The following RALYL variants were observed in gnomAD, a reference collection of about 807,000 sequenced individuals.
RALYL encodes the protein RNA-binding Raly-like protein.
A neutral mutation model predicts 35.1 loss-of-function variants in RALYL; 29 were observed. The ratio of observed to expected loss-of-function variants is 0.83; its 90% CI spans 0.61 to 1.13. RALYL has a LOEUF of 1.13. Ranked by LOEUF, RALYL falls within the 50% of genes most tolerant of loss-of-function variation. RALYL has a pLI of 0.00. For missense variants in RALYL, 359 were observed against 360.4 expected, an observed-to-expected ratio of 1.00 and a Z score of 0.03; for synonymous variants, 120 against 127.6, an observed-to-expected ratio of 0.94 and a Z score of 0.40.
intron 1 of RALYL, among the ~76,000 whole-genome samples, chr8:84,214,932 G>A (rs62529180): frequency 0.27 from 40,847 of 150,828 alleles, 5,780 homozygotes; most frequent in African/African-American, 0.35. Flanking sequence ...TTGAGACGGA[G>A]TCTCACTCTG....
At chr8:84,907,327 C>T (rs1846693577) in intron 8 of RALYL, among the ~76,000 whole-genome samples, 2 of 151,586 alleles carry the variant, frequency 1.3e-5, no homozygotes, top group African/African-American at 4.9e-5. Flanking sequence ...CACACACACA[C>T]ACACACACAC....
intron 1 of RALYL, among the ~76,000 whole-genome samples, chr8:84,362,171 CAG>C (rs942421669): frequency 3.3e-5 from 5 of 152,120 alleles, no homozygotes; most frequent in African/African-American, 1.2e-4. Flanking sequence ...CACAGAATAC[CAG>C]AGAGTACTAG....
At chr8:84,353,422 C>A (rs1399721217) in intron 1 of RALYL, among the ~76,000 whole-genome samples, 2 of 150,386 alleles carry the variant, frequency 1.3e-5, no homozygotes, top group Non-Finnish European at 3.0e-5. Flanking sequence ...CAGCAATATT[C>A]CCAGTGCATC....
intron 1 of RALYL, among the ~76,000 whole-genome samples, chr8:84,279,225 A>G (rs1217989263): frequency 2.0e-5 from 3 of 152,312 alleles, no homozygotes; most frequent in Admixed American, 1.3e-4. Context: ...CCATGACTCA[A>G]TTAACATCAC....
chr8:84,265,936 G>A (rs1833211226), intron 1 of RALYL, among the ~76,000 whole-genome samples: 2 of 151,838 alleles, frequency 1.3e-5, no homozygotes, highest in Admixed American at 1.3e-4. Flanking sequence ...CCTAATCCTG[G>A]GCTCATCACA....
intron 1 of RALYL, among the ~76,000 whole-genome samples, chr8:84,515,697 A>G (rs1462050264): frequency 6.6e-6 from 1 of 152,186 alleles, no homozygotes; most frequent in Non-Finnish European, 1.5e-5. Context: ...TTGCATGTAT[A>G]GTACAAAAAA....
At chr8:84,715,147 C>T (rs1295555438) in intron 2 of RALYL, among the ~76,000 whole-genome samples, 1 of 151,360 alleles carries the variant, frequency 6.6e-6, no homozygotes, top group Non-Finnish European at 1.5e-5. Context: ...TGTTTTCATC[C>T]AAAGGGAAAA....
intron 2 of RALYL, among the ~76,000 whole-genome samples, chr8:84,772,320 ATGGCTATGTT>A (rs533383406): frequency 7.9e-5 from 12 of 152,204 alleles, no homozygotes; most frequent in Admixed American, 7.2e-4. Context: ...CAAGTGTATC[ATGGCTATGTT>A]TGGCCTTTGT....
At chr8:84,256,444 C>T (rs1197172324) in intron 1 of RALYL, among the ~76,000 whole-genome samples, 1 of 152,068 alleles carries the variant, frequency 6.6e-6, no homozygotes, top group African/African-American at 2.4e-5. Context: ...GAGTGATTTA[C>T]ATTAAAAGAC....
intron 1 of RALYL, among the ~76,000 whole-genome samples, chr8:84,385,711 C>T (rs1859039697): frequency 6.6e-6 from 1 of 151,836 alleles, no homozygotes; most frequent in African/African-American, 2.4e-5. Flanking sequence ...ACCTTTGCCA[C>T]TGTATGGCTT....
intron 2 of RALYL, among the ~76,000 whole-genome samples, chr8:84,708,609 T>C (rs1841618178): frequency 6.6e-6 from 1 of 152,108 alleles, no homozygotes; most frequent in African/African-American, 2.4e-5. Flanking sequence ...AAAATTCGGA[T>C]TGATTTGGGA....
intron 2 of RALYL, among the ~76,000 whole-genome samples, chr8:84,641,828 C>T (rs1457353983): frequency 3.4e-5 from 5 of 146,558 alleles, no homozygotes; most frequent in Admixed American, 6.8e-5. Flanking sequence ...ACAAAGATTA[C>T]TCTGTTTTTG....
At chr8:84,708,452 C>A (rs1293674951) in intron 2 of RALYL, among the ~76,000 whole-genome samples, 1 of 152,008 alleles carries the variant, frequency 6.6e-6, no homozygotes. Context: ...CTTACTTGTG[C>A]AAAACTGCAT....
At chr8:84,265,133 T>C (rs1403905351) in intron 1 of RALYL, among the ~76,000 whole-genome samples, 1 of 152,204 alleles carries the variant, frequency 6.6e-6, no homozygotes, top group African/African-American at 2.4e-5. Context: ...TCATAGTCCT[T>C]GTTGGTGTAC....
At chr8:84,260,378 GCT>G (rs1832034631) in intron 1 of RALYL, among the ~76,000 whole-genome samples, 1 of 152,102 alleles carries the variant, frequency 6.6e-6, no homozygotes, top group Non-Finnish European at 1.5e-5. Context: ...AGGTGTGATC[GCT>G]CATGCAGCTA....
At chr8:84,862,235 C>T (rs2135057259) in intron 5 of RALYL, 61 bp from the exon 6 acceptor site, 1 of 1,336,728 alleles carries the variant, frequency 7.5e-7, no homozygotes, top group African/African-American at 1.5e-5. Flanking sequence ...CAACATTTCA[C>T]ATATTTGATA....
At chr8:84,777,766 C>T (rs1321661453) in intron 3 of RALYL, among the ~76,000 whole-genome samples, 2 of 152,082 alleles carry the variant, frequency 1.3e-5, no homozygotes, top group Non-Finnish European at 1.5e-5. Context: ...CTCAGCCTCC[C>T]GAGTAGCTGG....
At chr8:84,804,656 A>G (rs1323352959) in intron 3 of RALYL, 114 bp from the exon 4 acceptor site, 2 of 404,288 alleles carry the variant, frequency 4.9e-6, no homozygotes, top group Non-Finnish European at 8.1e-6. Context: ...CTGGTGCTAC[A>G]TTATGCATTT....
intron 2 of RALYL, among the ~76,000 whole-genome samples, chr8:84,608,952 A>G (rs952744141): frequency 2.6e-5 from 4 of 152,002 alleles, no homozygotes; most frequent in African/African-American, 9.7e-5. Context: ...CTTTTTTGTA[A>G]ATGTGGAATC....
Sources: gnomAD v4.1 joint callset for allele counts (sites outside exome capture counted in the v4.1 genomes callset) on GRCh38, gnomAD v4.1.1 for gene constraint, MANE v1.5 for transcripts, NCBI Gene and HGNC (gene_info 2026-07-23, HGNC 2026-07-21) for gene names.